The following VCL variants were observed in gnomAD, a reference collection of about 807,000 sequenced individuals.
VCL encodes epididymis luminal protein 114.
VCL carries 47 observed loss-of-function variants against 125.7 expected under a neutral mutation model. The ratio of observed to expected loss-of-function variants is 0.37; its 90% CI spans 0.30 to 0.48. The LOEUF is 0.48. VCL is among the 20% of genes least tolerant of loss of function. VCL has a pLI of 0.99. For synonymous variants in VCL, 458 were observed against 514.6 expected (o/e 0.89, Z 1.49); for missense variants, 1,069 against 1,455.5 (o/e 0.73, Z 4.32).
chr10:74,017,886 A>G (rs1840581549), intron 1 of VCL, among the ~76,000 whole-genome samples: 1 of 151,892 alleles, frequency 6.6e-6, no homozygotes, highest in Non-Finnish European at 1.5e-5. Context: ...AGGCTGGGTA[A>G]GGTGGCTCAT....
At position 74,101,103 on chromosome 10, in the gene VCL, G is replaced by T; in HGVS notation, c.2022+6G>T. On this transcript the variant is annotated splice_donor_region_variant and intron_variant, in intron 14 of 21. Coordinates refer to ENST00000211998, the MANE Select transcript of VCL (RefSeq NM_014000.3). ...CCCGAGAACTCACACCCCAGGTTGG[G>T]TTTTGCTCATTCCTCATACAGTGTT... is the stretch of plus-strand genomic sequence containing the variant. The T allele has an allele frequency of 6.2e-7, 1 of 1,612,364 alleles. No homozygotes were observed. Among genetic ancestry groups the T allele is most frequent in the Non-Finnish European group, 8.5e-7 (1 of 1,179,092 alleles).
rs765226093 is a variant in VCL, at chr10:74,112,077, T to A, written c.2914T>A (p.Ser972Thr). Residue 972 changes from serine to threonine, a missense_variant, in exon 19 of 22, where the codon TCC (serine) becomes ACC (threonine). Around this residue, in one of 6 missense-constraint regions of VCL, gnomAD observed 86 missense variants for 91.0 expected, o/e 0.95. Transcript: ENST00000211998. ...VNQPILAAAQ[S>T]LHREATKWSS... ...CCAGCCCATTCTGGCCGCGGCTCAG[T>A]CCTTGCATCGGGAAGCTACCAAGTG... 19 of 1,614,182 alleles carry A rather than the reference T, an allele frequency of 1.2e-5. No homozygotes were observed. Among genetic ancestry groups the A allele is most frequent in the Non-Finnish European group, 1.5e-5 (18 of 1,180,026 alleles).
rs2270548 is a variant in VCL at position 74,082,394 on chromosome 10, G to A, written c.784-60G>A. 0.41 allele frequency: 646,981 copies of A among 1,579,480 alleles called. 137,471 individuals carry two copies. The highest frequency in any genetic ancestry group is 0.75 in the East Asian group (33,460 of 44,664). On this transcript the variant is annotated intron_variant, in intron 6 of 21. Transcript: ENST00000211998. ...TGCTGTAACTTCTTCTCTGTCTTAC[G>A]TTCTATCATGGTATCTCAACTTTTG...
intron 1 of VCL, among the ~76,000 whole-genome samples, chr10:74,035,318 A>C (rs1022678744): frequency 4.0e-5 from 6 of 151,334 alleles, no homozygotes; most frequent in African/African-American, 1.5e-4. Context: ...AATCGAGTAG[A>C]TTGTGATGAA....
At chr10:74,086,658 C>G (rs966988836) in intron 8 of VCL, among the ~76,000 whole-genome samples, 8 of 152,128 alleles carry the variant, frequency 5.3e-5, no homozygotes, top group African/African-American at 1.9e-4. Context: ...TGAGTATGAG[C>G]AAGAGAATGA....
At chr10:74,114,151 C>T in intron 19 of VCL, 33 bp from the exon 20 acceptor site, 1 of 1,610,892 alleles carries the variant, frequency 6.2e-7, no homozygotes, top group Non-Finnish European at 8.5e-7. Flanking sequence ...AGAGCGTGGG[C>T]AGAGCTCACA....
intron 6 of VCL, among the ~76,000 whole-genome samples, chr10:74,079,579 T>C (rs1839644398): frequency 6.6e-6 from 1 of 152,232 alleles, no homozygotes; most frequent in South Asian, 2.1e-4. Flanking sequence ...TATCCCCAAA[T>C]TGACTTCTGT....
chr10:74,030,521 A>T (rs1410365554), intron 1 of VCL, among the ~76,000 whole-genome samples: 1 of 152,224 alleles, frequency 6.6e-6, no homozygotes, highest in East Asian at 1.9e-4. Flanking sequence ...GTTTCTGAGA[A>T]TGGCTTCAGG....
intron 1 of VCL, among the ~76,000 whole-genome samples, chr10:74,029,070 C>A (rs1203897827): frequency 6.7e-6 from 1 of 149,666 alleles, no homozygotes; most frequent in Non-Finnish European, 1.5e-5. Context: ...CCACCCACTT[C>A]GGCCTCCCAA....
chr10:74,062,412 C>T (rs1841497216), intron 2 of VCL, among the ~76,000 whole-genome samples: 2 of 136,464 alleles, frequency 1.5e-5, no homozygotes, highest in African/African-American at 2.8e-5. Flanking sequence ...TGCTATATTG[C>T]CCAGGCTGGC....
chr10:74,039,252 C>T (rs1841046063), intron 1 of VCL, among the ~76,000 whole-genome samples: 1 of 151,612 alleles, frequency 6.6e-6, no homozygotes, highest in Admixed American at 6.6e-5. Context: ...AGTCTTCATC[C>T]CCCACCCCAC....
chr10:74,007,087 C>A (rs1024431552), intron 1 of VCL, among the ~76,000 whole-genome samples: 1 of 151,998 alleles, frequency 6.6e-6, no homozygotes. Flanking sequence ...CGCAGCCTCC[C>A]GAGTAGTTGG....
chr10:74,048,570 C>T (rs1031074206), intron 2 of VCL, among the ~76,000 whole-genome samples: 1 of 152,020 alleles, frequency 6.6e-6, no homozygotes, highest in African/African-American at 2.4e-5. Flanking sequence ...TGTCAGTTGT[C>T]ATTTTCTTCT....
chr10:74,109,188 G>T, intron 18 of VCL, 32 bp downstream of exon 18: 1 of 1,613,210 alleles, frequency 6.2e-7, no homozygotes, highest in African/African-American at 1.3e-5. Context: ...GTTGAGAAAG[G>T]ATGTCTTCTC....
intron 16 of VCL, among the ~76,000 whole-genome samples, chr10:74,106,292 T>C (rs1237027485): frequency 2.0e-5 from 3 of 152,234 alleles, no homozygotes; most frequent in South Asian, 2.1e-4. Flanking sequence ...AGATGCATGA[T>C]AACCAATTTA....
At chr10:74,018,341 A>C (rs1487889603) in intron 1 of VCL, among the ~76,000 whole-genome samples, 1 of 151,734 alleles carries the variant, frequency 6.6e-6, no homozygotes, top group African/African-American at 2.4e-5. Context: ...TACAGGTGTA[A>C]GCCACCGTGC....
intron 2 of VCL, among the ~76,000 whole-genome samples, chr10:74,066,063 T>TATATATATATATATA (rs1297685805): frequency 5.4e-3 from 516 of 95,456 alleles, no homozygotes; most frequent in African/African-American, 7.4e-3. Flanking sequence ...ATATATATAT[T>TATATATATATATATA]TTTTTTTTTT....
intron 1 of VCL, among the ~76,000 whole-genome samples, chr10:74,040,280 C>G (rs1425284191): frequency 6.6e-6 from 1 of 152,178 alleles, no homozygotes; most frequent in East Asian, 1.9e-4. Flanking sequence ...ATTCTCTACT[C>G]CATCTCTACT....
Position 74,111,926 on chromosome 10 carries a change from T to C in VCL, c.2763T>C (p.Ala921=), listed in dbSNP as rs767803482. The C allele has an allele frequency of 2.5e-6, 4 of 1,614,204 alleles. No individual in the cohort carries two copies. The Admixed American group carries it at 6.7e-5, about 27-fold the overall frequency. ...CGACAAAGCCGGGCATCCCAGCCGCTGAGGTGGGTATAGGTGTTGTAGCTG... is the reference window on the plus strand; with the variant it reads ...CGACAAAGCCGGGCATCCCAGCCGCCGAGGTGGGTATAGGTGTTGTAGCTG... The part of the protein sequence containing the change: ...KWSSKPGIPA[A]EVGIGVVAEA... Residue 921 remains alanine, a synonymous_variant, in exon 19 of 22, where the codon GCT becomes GCC. Transcript: ENST00000211998.
Sources: allele counts gnomAD v4.1 joint callset (sites outside exome capture counted in the v4.1 genomes callset), GRCh38; gene constraint gnomAD v4.1.1; regional missense constraint gnomAD v4.1.1; transcripts MANE v1.5; gene names NCBI Gene and HGNC (gene_info 2026-07-23, HGNC 2026-07-21).